RHBDD1: variants seen among roughly 807,000 people sequenced by gnomAD.
RHBDD1 encodes the protein rhomboid domain containing 1, also known as rhomboid-related protein 4.
A neutral mutation model predicts 36.3 loss-of-function variants in RHBDD1; 38 were observed. The observed-to-expected ratio is 1.05, with a 90% CI of 0.81 to 1.37. The LOEUF (loss-of-function observed/expected upper bound fraction) is 1.37. Among genes scored for constraint, RHBDD1 ranks in the 40% most tolerant of loss-of-function variants. The probability of loss-of-function intolerance (pLI) is 0.00; values close to 1 mark genes in which losing one functional copy is unlikely to be tolerated. For synonymous variants in RHBDD1, 151 were observed against 136.5 expected (o/e 1.11, Z -0.74); for missense variants, 393 against 377.6 (o/e 1.04, Z -0.34).
chr2:226,968,297 A>T (rs547993604), intron 8 of RHBDD1, among the ~76,000 whole-genome samples: 1 of 152,196 alleles, frequency 6.6e-6, no homozygotes, highest in South Asian at 2.1e-4. Flanking sequence ...GGAAGTGCCT[A>T]TGTGATTGTG....
chr2:226,996,657 C>G lies in RHBDD1; in HGVS notation c.*1135C>G, dbSNP rs971528854. 11 of 152,178 alleles carry G rather than the reference C, an allele frequency of 7.2e-5. No individual in the cohort carries two copies. The highest frequency in any genetic ancestry group is 1.6e-4 in the Non-Finnish European group (11 of 68,038). The allele number at this position is 152,178 out of a possible 1,614,324, so 9.4% of individuals were successfully genotyped here. A position where few individuals can be genotyped will look rare whatever the true frequency, so the allele number is the denominator to read the frequency against. On this transcript the variant is annotated 3_prime_UTR_variant, in exon 9 of 9. Coordinates refer to ENST00000392062, the MANE Select transcript of RHBDD1 (RefSeq NM_001167608.3). ...ACATAATAGATATGCCTTCCAGATG[C>G]ATAAGGCAAACATCTGGAAAGAAAT...
chr2:226,974,245 A>ATTTTATTTTG, intron 8 of RHBDD1, among the ~76,000 whole-genome samples: 1 of 151,146 alleles, frequency 6.6e-6, no homozygotes, highest in African/African-American at 2.4e-5. Context: ...ATTTTATTTT[A>ATTTTATTTTG]TTTTATTTTT....
intron 5 of RHBDD1, among the ~76,000 whole-genome samples, chr2:226,880,966 TA>T (rs1474462402): frequency 1.3e-5 from 2 of 152,314 alleles, no homozygotes; most frequent in Admixed American, 1.3e-4. Flanking sequence ...TTCATACTGC[TA>T]TAAAGAACTG....
chr2:226,950,367 CATGGAGG>C (rs1325415957), intron 8 of RHBDD1, among the ~76,000 whole-genome samples: 10 of 152,184 alleles, frequency 6.6e-5, no homozygotes, highest in Non-Finnish European at 7.3e-5. Flanking sequence ...GAAATGACAA[CATGGAGG>C]ATTTCTTTCT....
At chr2:226,837,947 A>G (rs960282466) in intron 1 of RHBDD1, 126 bp from the exon 2 acceptor site, 1 of 152,046 alleles carries the variant, frequency 6.6e-6, no homozygotes. Context: ...ATGTCGTACA[A>G]CTCCACGGTA....
intron 8 of RHBDD1, among the ~76,000 whole-genome samples, chr2:226,993,906 G>A (rs1486176753): frequency 6.6e-6 from 1 of 152,172 alleles, no homozygotes; most frequent in Non-Finnish European, 1.5e-5. Context: ...ACACATCTTT[G>A]AAAAGGTGCC....
intron 5 of RHBDD1, among the ~76,000 whole-genome samples, chr2:226,878,153 A>G (rs1249976221): frequency 2.6e-5 from 4 of 152,154 alleles, no homozygotes; most frequent in Admixed American, 2.6e-4. Context: ...GTATGAAAGG[A>G]AAGATGGTTA....
intron 3 of RHBDD1, among the ~76,000 whole-genome samples, chr2:226,862,245 G>A (rs1202279724): frequency 2.6e-5 from 4 of 152,034 alleles, no homozygotes; most frequent in African/African-American, 4.8e-5. Flanking sequence ...GCATGTCACA[G>A]TAATCCTGGG....
At chr2:226,961,051 G>T (rs928775234) in intron 8 of RHBDD1, among the ~76,000 whole-genome samples, 2 of 152,144 alleles carry the variant, frequency 1.3e-5, no homozygotes, top group Non-Finnish European at 2.9e-5. Context: ...AAAAAGGGGT[G>T]GGGGAGTAGG....
At chr2:226,949,281 A>G (rs1951247269) in intron 8 of RHBDD1, among the ~76,000 whole-genome samples, 1 of 152,226 alleles carries the variant, frequency 6.6e-6, no homozygotes, top group Non-Finnish European at 1.5e-5. Context: ...ACTAAATTTC[A>G]TATGGAACCA....
intron 5 of RHBDD1, among the ~76,000 whole-genome samples, chr2:226,882,623 C>T (rs958768341): frequency 1.3e-5 from 2 of 151,842 alleles, no homozygotes; most frequent in Non-Finnish European, 2.9e-5. Flanking sequence ...CCCCCCGCCC[C>T]GAACCTCACA....
In RHBDD1 at chr2:226,966,447, A is replaced by G. The variant is rs373218817; in HGVS notation, c.857-28984A>G. Among the ~76,000 whole-genome samples, 5 of 152,366 alleles carry G rather than the reference A, an allele frequency of 3.3e-5. No homozygotes were observed. In the East Asian group the frequency reaches 9.6e-4, roughly 29 times the overall value. ...ACATGCTTCGTGTTTTCATTGTCCA[A>G]CATGGGAGCCACTAGCCACAAGTGC... is the stretch of plus-strand genomic sequence containing the variant. On this transcript the variant is annotated intron_variant, in intron 8 of 8. Transcript: ENST00000392062.
chr2:226,888,799 C>T (rs577984160), intron 5 of RHBDD1, among the ~76,000 whole-genome samples: 1 of 152,090 alleles, frequency 6.6e-6, no homozygotes, highest in Non-Finnish European at 1.5e-5. Context: ...TTGTTTTCCT[C>T]AATCAGGTAT....
chr2:226,997,320 A>G lies in RHBDD1; in HGVS notation c.*1798A>G, dbSNP rs1256821290. ...AAATTCTGTAAGTTTGACTCCCGTT[A>G]CCCCAATTAGAAGTAACTTCTTTGT... On this transcript the variant is annotated 3_prime_UTR_variant, in exon 9 of 9. Coordinates refer to ENST00000392062, the MANE Select transcript of RHBDD1 (RefSeq NM_001167608.3). The G allele has an allele frequency of 6.6e-6, 1 of 152,240 alleles. No homozygotes were observed. The highest frequency in any genetic ancestry group is 1.5e-5 in the Non-Finnish European group (1 of 68,046). 9.4% of individuals were successfully genotyped at this position (152,240 alleles called of 1,614,324 possible). A position where few individuals can be genotyped will look rare whatever the true frequency, so the allele number is the denominator to read the frequency against.
intron 8 of RHBDD1, among the ~76,000 whole-genome samples, chr2:226,976,658 T>C (rs1028802440): frequency 4.6e-5 from 7 of 152,130 alleles, no homozygotes; most frequent in Non-Finnish European, 8.8e-5. Flanking sequence ...CACATCAGGC[T>C]ATTGTCTCAT....
intron 8 of RHBDD1, among the ~76,000 whole-genome samples, chr2:226,916,584 AG>A (rs1948925397): frequency 6.6e-6 from 1 of 152,188 alleles, no homozygotes; most frequent in African/African-American, 2.4e-5. Flanking sequence ...ACAGCATGAT[AG>A]GAAAGATTTG....
intron 8 of RHBDD1, among the ~76,000 whole-genome samples, chr2:226,927,620 C>T (rs191271403): frequency 1.3e-5 from 2 of 152,112 alleles, no homozygotes; most frequent in African/African-American, 2.4e-5. Flanking sequence ...CAGTTGCTCT[C>T]GGTTCTCCCA....
intron 5 of RHBDD1, among the ~76,000 whole-genome samples, chr2:226,883,627 A>G (rs138534246): frequency 6.6e-6 from 1 of 152,204 alleles, no homozygotes; most frequent in Non-Finnish European, 1.5e-5. Flanking sequence ...GATAACACCT[A>G]CCTAATCTGT....
In RHBDD1 at chr2:226,906,785, C is replaced by T. The variant is rs139639856; in HGVS notation, c.567-8C>T. ...CAAACACTCACAAAGGGTCTCCTTC[C>T]CTCCTAGGACTTCCTTCGCTGGGCA... On this transcript the variant is annotated splice_polypyrimidine_tract_variant and splice_region_variant and intron_variant, in intron 5 of 8. Coordinates refer to ENST00000392062, the MANE Select transcript of RHBDD1 (RefSeq NM_001167608.3). 231 of 1,613,968 alleles carry T rather than the reference C, an allele frequency of 1.4e-4. No homozygotes were observed. The African/African-American group carries it at 2.9e-3, about 20-fold the overall frequency.
Sources: gnomAD v4.1 joint callset for allele counts (sites outside exome capture counted in the v4.1 genomes callset) on GRCh38, gnomAD v4.1.1 for gene constraint, MANE v1.5 for transcripts, NCBI Gene and HGNC (gene_info 2026-07-23, HGNC 2026-07-21) for gene names.